STK40: variants seen among roughly 807,000 people sequenced by gnomAD.
STK40 encodes serine/threonine kinase 40.
Under a neutral mutation model 47.9 loss-of-function variants are expected in STK40, and 13 were observed. The ratio of observed to expected loss-of-function variants is 0.27; its 90% CI spans 0.18 to 0.43. STK40 has a LOEUF of 0.43. Ranked by LOEUF, STK40 falls within the 20% of genes least tolerant of loss-of-function variation. The pLI is 1.00. For synonymous variants in STK40, 225 were observed against 243.2 expected (o/e 0.93, Z 0.69); for missense variants, 460 against 595.1 (o/e 0.77, Z 2.36).
chr1:36,345,718 G>T (rs1467642561), intron 7 of STK40, among the ~76,000 whole-genome samples: 1 of 151,910 alleles, frequency 6.6e-6, no homozygotes, highest in Non-Finnish European at 1.5e-5. Flanking sequence ...CCCGTGGCTG[G>T]AAGATGCTTC....
intron 1 of STK40, among the ~76,000 whole-genome samples, chr1:36,383,450 C>T (rs1647057946): frequency 6.6e-6 from 1 of 152,252 alleles, no homozygotes; most frequent in Non-Finnish European, 1.5e-5. Context: ...CAGGCCAATG[C>T]AGGAGCTTGC....
intron 7 of STK40, among the ~76,000 whole-genome samples, chr1:36,345,411 G>A (rs757315402): frequency 1.3e-5 from 2 of 152,212 alleles, no homozygotes; most frequent in East Asian, 1.9e-4. Flanking sequence ...TGGCACTGCC[G>A]CCTACAACAG....
chr1:36,360,164 G>T (rs1646839495), intron 2 of STK40, among the ~76,000 whole-genome samples: 2 of 150,140 alleles, frequency 1.3e-5, no homozygotes, highest in South Asian at 2.1e-4. Flanking sequence ...AACAGCACAG[G>T]CCTGGCAAAC....
intron 1 of STK40, chr1:36,367,825 A>C: frequency 1.0e-6 from 1 of 985,726 alleles, no homozygotes; most frequent in Non-Finnish European, 1.2e-6. Flanking sequence ...GCCACATAGG[A>C]GCGCACACAT....
chr1:36,358,163 G>C, intron 4 of STK40, 76 bp downstream of exon 4: 1 of 1,479,200 alleles, frequency 6.8e-7, no homozygotes, highest in Non-Finnish European at 9.1e-7. Flanking sequence ...TGCTCGTATG[G>C]CTGTGGCCCC....
Position 36,344,246 on chromosome 1 carries a change from T to C in STK40, c.758A>G (p.Lys253Arg), listed in dbSNP as rs1570433028. Residue 253 changes from lysine (K) to arginine (R), a missense_variant, in exon 8 of 11, where the codon AAG (lysine) becomes AGG (arginine). Physicochemically the swap from Lys to Arg is conservative, Grantham distance 26. Coordinates refer to ENST00000373132, the MANE Select transcript of STK40 (RefSeq NM_001282547.2). ...DVLSGRPYRG[K>R]PSDMWALGVV... ...GCCCAGGGCCCACATGTCACTGGGC[T>C]TGCCACGGTACGGCCGGCCTACGGG... 6.2e-7 allele frequency: 1 copy of C among 1,609,284 alleles called. No homozygotes were observed. The highest frequency in any genetic ancestry group is 8.5e-7 in the Non-Finnish European group (1 of 1,177,742).
In STK40 at chr1:36,344,620, G is replaced by A. The variant is rs1404249409; in HGVS notation, c.740-356C>T. 3.3e-5 allele frequency among the ~76,000 whole-genome samples: 5 copies of A among 152,268 alleles called. No individual in the cohort carries two copies. In the East Asian group the frequency reaches 7.7e-4, roughly 23 times the overall value. The stretch of plus-strand genomic sequence containing the variant: ...CTAGCTGGCTCCAGATGAGCTGGCC[G>A]CTCCTCCTGTCACCGTCCCCACACC... On this transcript the variant is annotated intron_variant, in intron 7 of 10. Transcript: ENST00000373132.
intron 1 of STK40, among the ~76,000 whole-genome samples, chr1:36,372,460 A>G (rs969139382): frequency 3.3e-5 from 5 of 151,846 alleles, no homozygotes; most frequent in Non-Finnish European, 7.4e-5. Context: ...AAAGAAAGAA[A>G]AAGAAAAAAG....
chr1:36,356,128 T>C (rs1029429343), intron 4 of STK40, among the ~76,000 whole-genome samples: 4 of 152,156 alleles, frequency 2.6e-5, no homozygotes, highest in Non-Finnish European at 4.4e-5. Flanking sequence ...CTAGTAATCT[T>C]TCCCCCACAG....
At position 36,364,810 on chromosome 1, in the gene STK40, T is replaced by C. The variant is rs77042637; in HGVS notation, c.-8-3470A>G. On this transcript the variant is annotated intron_variant, in intron 1 of 10. Coordinates refer to ENST00000373132, the MANE Select transcript of STK40 (RefSeq NM_001282547.2). ...CCATCTCAATAAAATTAATATAACA[T>C]TTACATTTTTTAAATTAAAATTAAA... Among the ~76,000 whole-genome samples, 629 of 152,148 alleles carry C rather than the reference T, an allele frequency of 4.1e-3. 44 individuals are homozygous for C. The East Asian group carries it at 0.11, about 26-fold the overall frequency.
At chr1:36,350,714 C>T (rs1400550958) in intron 6 of STK40, among the ~76,000 whole-genome samples, 2 of 152,214 alleles carry the variant, frequency 1.3e-5, no homozygotes, top group Admixed American at 6.5e-5. Flanking sequence ...GTCTTGGAGG[C>T]GGTAGGGGAG....
At chr1:36,346,034 G>A (rs1398011119) in intron 7 of STK40, among the ~76,000 whole-genome samples, 6 of 111,842 alleles carry the variant, frequency 5.4e-5, no homozygotes, top group South Asian at 2.9e-4. Context: ...TTGCTCTGTT[G>A]CCCAGGCTGG....
Position 36,341,838 on chromosome 1 carries a change from G to C in STK40, c.1225C>G (p.Pro409Ala), listed in dbSNP as rs1646651074. ...VPKRQFGSAP[P>A]VRRLGHDAQP... ...GCGTCGTGGCCCAGCCGTCGCACCG[G>C]TGGTGCGCTGCCGAACTGCCGCTTG... Residue 409 changes from proline to alanine, a missense_variant, in exon 11 of 11, where the codon CCG becomes GCG. Physicochemically the swap from Pro to Ala is conservative, Grantham distance 27 (BLOSUM62 -1). Around this residue, in one of 3 missense-constraint regions of STK40, gnomAD observed 181 missense variants for 218.9 expected, o/e 0.83. Transcript: ENST00000373132. The C allele has an allele frequency of 1.9e-6, 3 of 1,613,718 alleles. No homozygotes were observed. The highest frequency in any genetic ancestry group is 2.5e-6 in the Non-Finnish European group (3 of 1,179,978).
chr1:36,373,933 G>C (rs1646970448), intron 1 of STK40, among the ~76,000 whole-genome samples: 1 of 152,202 alleles, frequency 6.6e-6, no homozygotes, highest in South Asian at 2.1e-4. Context: ...GCCTGTGGGA[G>C]AGTACCTGCT....
At chr1:36,345,544 C>G (rs1262893304) in intron 7 of STK40, among the ~76,000 whole-genome samples, 3 of 152,182 alleles carry the variant, frequency 2.0e-5, no homozygotes, top group Non-Finnish European at 4.4e-5. Context: ...CGCCCGGTGC[C>G]AAAGAGCAGC....
chr1:36,345,927 T>A (rs890392966), intron 7 of STK40, among the ~76,000 whole-genome samples: 4 of 144,750 alleles, frequency 2.8e-5, no homozygotes, highest in Non-Finnish European at 3.0e-5. Flanking sequence ...CAAGCTTCCC[T>A]TTCAGCAACG....
At chr1:36,358,663 G>A (rs1198033392) in intron 3 of STK40, 74 bp downstream of exon 3, 1 of 1,497,344 alleles carries the variant, frequency 6.7e-7, no homozygotes, top group Non-Finnish European at 9.3e-7. Context: ...CAGGTGTGAA[G>A]GTGGAGGAGG....
At chr1:36,379,405 T>C (rs1647021199) in intron 1 of STK40, among the ~76,000 whole-genome samples, 1 of 151,392 alleles carries the variant, frequency 6.6e-6, no homozygotes, top group East Asian at 1.9e-4. Flanking sequence ...CCTCTTTTTT[T>C]TTTTTTTTTG....
chr1:36,379,428 G>A lies in STK40; in HGVS notation c.-9+6295C>T, dbSNP rs573758521. ...TTTTTTTTTTTTGAAACGGAGTCTC[G>A]CTCTCTCACCCAGGCTGGAGGGCAG... On this transcript the variant is annotated intron_variant, in intron 1 of 10. Coordinates refer to ENST00000373132, the MANE Select transcript of STK40 (RefSeq NM_001282547.2). 4.2e-5 allele frequency among the ~76,000 whole-genome samples: 6 copies of A among 143,344 alleles called. No homozygotes were observed. The East Asian group carries it at 1.0e-3, about 24-fold the overall frequency. 94.0% of individuals were successfully genotyped at this position (143,344 alleles called of 152,430 possible).
Sources: gnomAD v4.1 joint callset for allele counts (sites outside exome capture counted in the v4.1 genomes callset) on GRCh38, gnomAD v4.1.1 for gene constraint, gnomAD v4.1.1 regional missense constraint, MANE v1.5 for transcripts, NCBI Gene and HGNC (gene_info 2026-07-23, HGNC 2026-07-21) for gene names.